The following TRIM67 variants were observed in gnomAD, a reference collection of about 807,000 sequenced individuals.
The protein encoded by TRIM67 is tripartite motif-containing protein 67.
In TRIM67, 39 loss-of-function variants were observed where a neutral mutation model predicts 71.0. The observed-to-expected ratio is 0.55, with a 90% CI of 0.43 to 0.72. The LOEUF (loss-of-function observed/expected upper bound fraction) is 0.72, where lower values mean the gene tolerates loss of function less well. Ranked by LOEUF, TRIM67 falls within the 30% of genes least tolerant of loss-of-function variation. TRIM67 has a pLI of 0.00. For missense variants in TRIM67, 973 were observed against 1,079.2 expected, an observed-to-expected ratio of 0.90 and a Z score of 1.38; for synonymous variants, 481 against 473.9, an observed-to-expected ratio of 1.01 and a Z score of -0.19.
chr1:231,212,295 A>G (rs191351281), intron 8 of TRIM67, among the ~76,000 whole-genome samples: 13 of 152,336 alleles, frequency 8.5e-5, no homozygotes, highest in African/African-American at 3.1e-4. Context: ...ACACGAACTC[A>G]AGGTTTTATG....
At position 231,218,147 on chromosome 1, in the gene TRIM67, G is replaced by A; in HGVS notation, c.*2707G>A. 1 of 1,044,638 alleles carries A rather than the reference G, an allele frequency of 9.6e-7. No individual in the cohort carries two copies. Among genetic ancestry groups the A allele is most frequent in the Non-Finnish European group, 1.2e-6 (1 of 863,126 alleles). 64.7% of individuals were successfully genotyped at this position (1,044,638 alleles called of 1,614,324 possible). The stretch of plus-strand genomic sequence containing the variant: ...TTTGAGGGATCAGAAAAGTGAAGAA[G>A]GAACTTATCAATTCCTCATGGCCAG... On this transcript the variant is annotated 3_prime_UTR_variant, in exon 10 of 10. Transcript: ENST00000366653.
intron 1 of TRIM67, among the ~76,000 whole-genome samples, chr1:231,188,151 C>G (rs1683136287): frequency 6.6e-6 from 1 of 152,116 alleles, no homozygotes; most frequent in East Asian, 1.9e-4. Context: ...TATTGCTATT[C>G]AAGGCAGTCT....
chr1:231,167,867 T>G (rs1388365349), intron 1 of TRIM67, among the ~76,000 whole-genome samples: 1 of 152,238 alleles, frequency 6.6e-6, no homozygotes, highest in Non-Finnish European at 1.5e-5. Flanking sequence ...GAAACACCTC[T>G]TCTATTAAAA....
chr1:231,176,912 A>AAAAAAAAACAAAAAAAAC (rs1553322814), intron 1 of TRIM67, among the ~76,000 whole-genome samples: 6 of 150,050 alleles, frequency 4.0e-5, no homozygotes, highest in African/African-American at 1.5e-4. Context: ...CTGGCAAAAA[A>AAAAAAAAACAAAAAAAAC]AAAAAAAAAA....
At chr1:231,202,979 G>A (rs1309060224) in intron 5 of TRIM67, among the ~76,000 whole-genome samples, 1 of 152,146 alleles carries the variant, frequency 6.6e-6, no homozygotes, top group Non-Finnish European at 1.5e-5. Flanking sequence ...CGTTCAGAGA[G>A]GAAGCGGGAG....
At chr1:231,173,309 G>C (rs1682660426) in intron 1 of TRIM67, among the ~76,000 whole-genome samples, 1 of 152,210 alleles carries the variant, frequency 6.6e-6, no homozygotes, top group African/African-American at 2.4e-5. Context: ...CAATTTGGGA[G>C]GCTGAGGCAG....
At chr1:231,181,031 TCTC>T (rs1451916900) in intron 1 of TRIM67, among the ~76,000 whole-genome samples, 1 of 152,180 alleles carries the variant, frequency 6.6e-6, no homozygotes, top group African/African-American at 2.4e-5. Context: ...AGTGGTGCGA[TCTC>T]AGCTCACTGC....
Position 231,217,491 on chromosome 1 carries a change from G to A in TRIM67, c.*2051G>A, listed in dbSNP as rs1359528191. The A allele has an allele frequency of 2.0e-6, 2 of 1,004,442 alleles. No homozygotes were observed. The highest frequency in any genetic ancestry group is 2.4e-6 in the Non-Finnish European group (2 of 841,318). The allele number at this position is 1,004,442 out of a possible 1,614,324, so 62.2% of individuals were successfully genotyped here. ...TAGCTCTGGGTGGCCTTTGCTTGGAGCATGGAGACGATCCCTAAAGATTGA... is the reference window on the plus strand; with the variant it reads ...TAGCTCTGGGTGGCCTTTGCTTGGAACATGGAGACGATCCCTAAAGATTGA... On this transcript the variant is annotated 3_prime_UTR_variant, in exon 10 of 10. Transcript: ENST00000366653.
At position 231,218,089 on chromosome 1, in the gene TRIM67, G is replaced by C; in HGVS notation, c.*2649G>C. 9.0e-7 allele frequency: 1 copy of C among 1,108,942 alleles called. No homozygotes were observed. Among genetic ancestry groups the C allele is most frequent in the Non-Finnish European group, 1.1e-6 (1 of 896,238 alleles). 68.7% of individuals were successfully genotyped at this position (1,108,942 alleles called of 1,614,324 possible). A position where few individuals can be genotyped will look rare whatever the true frequency, so the allele number is the denominator to read the frequency against. ...ACACCTTCAATGTTCTGACTTCAAA[G>C]AGAACGACAGGTCCGTGCCACACAC... On this transcript the variant is annotated 3_prime_UTR_variant, in exon 10 of 10. Coordinates refer to ENST00000366653, the MANE Select transcript of TRIM67 (RefSeq NM_001004342.5).
intron 1 of TRIM67, among the ~76,000 whole-genome samples, chr1:231,194,959 G>T (rs1166218866): frequency 6.6e-6 from 1 of 152,114 alleles, no homozygotes; most frequent in African/African-American, 2.4e-5. Context: ...TGAACTCTTG[G>T]CCTCAAGCAA....
Position 231,199,032 on chromosome 1 carries a change from C to G in TRIM67, c.1141-15C>G. ...ACTCTTTGCTTCTTCCCAACCAACC[C>G]CCAACCTCTGCCAGGAAAACGGACT... On this transcript the variant is annotated splice_polypyrimidine_tract_variant and intron_variant, in intron 2 of 9. Coordinates refer to ENST00000366653, the MANE Select transcript of TRIM67 (RefSeq NM_001004342.5). 1 of 1,613,830 alleles carries G rather than the reference C, an allele frequency of 6.2e-7. No homozygotes were observed. The highest frequency in any genetic ancestry group is 8.5e-7 in the Non-Finnish European group (1 of 1,179,812).
intron 1 of TRIM67, among the ~76,000 whole-genome samples, chr1:231,191,391 G>A (rs971539812): frequency 6.6e-6 from 1 of 152,166 alleles, no homozygotes; most frequent in African/African-American, 2.4e-5. Flanking sequence ...TCTGGTTACT[G>A]GGCTCTTGGA....
At chr1:231,197,554 G>T (rs972098675) in intron 2 of TRIM67, 88 bp downstream of exon 2, 3 of 1,256,406 alleles carry the variant, frequency 2.4e-6, no homozygotes, top group South Asian at 2.5e-5. Flanking sequence ...GGCGGGGCAC[G>T]GTGGCTCACA....
At chr1:231,194,110 G>C (rs1168724710) in intron 1 of TRIM67, among the ~76,000 whole-genome samples, 1 of 152,214 alleles carries the variant, frequency 6.6e-6, no homozygotes, top group East Asian at 1.9e-4. Context: ...ATCCGTGTTT[G>C]TGGCTGAAGC....
At chr1:231,183,974 A>C (rs1682980919) in intron 1 of TRIM67, 1 of 152,188 alleles carries the variant, frequency 6.6e-6, no homozygotes, top group Admixed American at 6.5e-5. Flanking sequence ...GGATCTGCTC[A>C]AGGAACTATG....
rs899960215 is a variant in TRIM67 at position 231,163,752 on chromosome 1, C to G, written c.783C>G (p.Ala261=). 35 of 1,493,344 alleles carry G rather than the reference C, an allele frequency of 2.3e-5. 1 individual carries two copies. The Admixed American group carries it at 5.0e-4, about 21-fold the overall frequency. 92.5% of individuals were successfully genotyped at this position (1,493,344 alleles called of 1,614,324 possible). A position where few individuals can be genotyped will look rare whatever the true frequency, so the allele number is the denominator to read the frequency against. The part of the protein sequence containing the change: ...VQPPPPPPPP[A]EAASGPTGTA... ...CGCCGCCGCCGCCGCCGCCGCCCGC[C>G]GAGGCAGCCTCCGGGCCCACTGGCA... is the stretch of plus-strand genomic sequence containing the variant. Residue 261 remains alanine (A), a synonymous_variant, in exon 1 of 10, where the codon GCC becomes GCG. Coordinates refer to ENST00000366653, the MANE Select transcript of TRIM67 (RefSeq NM_001004342.5).
Position 231,163,023 on chromosome 1 carries a change from C to A in TRIM67, c.54C>A (p.Ile18=). Residue 18 remains isoleucine (I), a synonymous_variant, in exon 1 of 10, where the codon ATC becomes ATA. Transcript: ENST00000366653. ...GCGGCTCTCTGTTTCGGGAGCCTAT[C>A]ATCCTGCCCTGTTCCCACAATGTCT... The part of the protein sequence containing the change: ...PVCGSLFREP[I]ILPCSHNVCL... The A allele has an allele frequency of 6.2e-7, 1 of 1,612,746 alleles. No homozygotes were observed. Among genetic ancestry groups the A allele is most frequent in the Non-Finnish European group, 8.5e-7 (1 of 1,179,358 alleles).
At chr1:231,167,080 A>T (rs1247487868) in intron 1 of TRIM67, among the ~76,000 whole-genome samples, 1 of 152,132 alleles carries the variant, frequency 6.6e-6, no homozygotes, top group Non-Finnish European at 1.5e-5. Context: ...GCCAGCTCTG[A>T]ATTAAACTGG....
chr1:231,214,199 C>T (rs113959809), intron 9 of TRIM67, among the ~76,000 whole-genome samples: 11 of 152,298 alleles, frequency 7.2e-5, no homozygotes, highest in African/African-American at 1.9e-4. Context: ...CTTCTGGAGA[C>T]GCAGACCTCA....
Sources: gnomAD v4.1 joint callset for allele counts (sites outside exome capture counted in the v4.1 genomes callset) on GRCh38, gnomAD v4.1.1 for gene constraint, MANE v1.5 for transcripts, NCBI Gene and HGNC (gene_info 2026-07-23, HGNC 2026-07-21) for gene names.